Variants in ALK observed in about 807,000 individuals in gnomAD.
ALK encodes the protein ALK receptor tyrosine kinase.
Under a neutral mutation model 163.1 loss-of-function variants are expected in ALK, and 74 were observed. That is an observed-to-expected ratio of 0.45 (90% CI 0.38 to 0.55). The LOEUF is 0.55. Ranked by LOEUF, ALK falls within the 20% of genes least tolerant of loss-of-function variation. The probability of loss-of-function intolerance (pLI) is 0.00; values close to 1 mark genes in which losing one functional copy is unlikely to be tolerated. For missense variants in ALK, 2,063 were observed against 2,105.3 expected, an observed-to-expected ratio of 0.98 and a Z score of 0.39; for synonymous variants, 960 against 843.2, an observed-to-expected ratio of 1.14 and a Z score of -2.40.
chr2:29,312,099 G>T (rs1666713065), intron 8 of ALK, among the ~76,000 whole-genome samples: 1 of 151,946 alleles, frequency 6.6e-6, no homozygotes. Context: ...TTGCCATATT[G>T]CCAGGCTACC....
At chr2:29,359,176 C>G (rs1036662462) in intron 5 of ALK, among the ~76,000 whole-genome samples, 1 of 152,078 alleles carries the variant, frequency 6.6e-6, no homozygotes, top group Non-Finnish European at 1.5e-5. Context: ...TGTAAAGGAG[C>G]CTTTAGAAAA....
chr2:29,330,166 G>A (rs1667397171), intron 5 of ALK, among the ~76,000 whole-genome samples: 2 of 152,108 alleles, frequency 1.3e-5, no homozygotes, highest in African/African-American at 4.8e-5. Context: ...AATCATATCT[G>A]AGCCCTTTCA....
At chr2:29,472,158 A>C (rs1272527759) in intron 4 of ALK, among the ~76,000 whole-genome samples, 2 of 152,168 alleles carry the variant, frequency 1.3e-5, no homozygotes, top group Non-Finnish European at 2.9e-5. Context: ...CTCTATGGAG[A>C]GACTATATGA....
intron 3 of ALK, among the ~76,000 whole-genome samples, chr2:29,668,835 G>C (rs1387985109): frequency 6.6e-6 from 1 of 152,086 alleles, no homozygotes; most frequent in Non-Finnish European, 1.5e-5. Context: ...CACAATCATG[G>C]TGGAAGGCAA....
chr2:29,719,621 T>A (rs1679368640), intron 1 of ALK, among the ~76,000 whole-genome samples: 1 of 152,248 alleles, frequency 6.6e-6, no homozygotes, highest in South Asian at 2.1e-4. Flanking sequence ...TGAATAAGTT[T>A]ATTTGTCCTC....
intron 3 of ALK, among the ~76,000 whole-genome samples, chr2:29,645,129 A>G (rs1414394878): frequency 6.6e-6 from 1 of 152,114 alleles, no homozygotes; most frequent in Non-Finnish European, 1.5e-5. Flanking sequence ...CTCTTTTGTA[A>G]TATTTTTGCT....
intron 11 of ALK, among the ~76,000 whole-genome samples, chr2:29,261,925 C>T (rs1052063944): frequency 6.6e-6 from 1 of 152,038 alleles, no homozygotes; most frequent in Non-Finnish European, 1.5e-5. Flanking sequence ...AGTTTTGGAA[C>T]GTATTTATAT....
At chr2:29,620,897 G>A (rs925788729) in intron 3 of ALK, among the ~76,000 whole-genome samples, 2 of 152,150 alleles carry the variant, frequency 1.3e-5, no homozygotes, top group South Asian at 2.1e-4. Context: ...TTATTAAAGA[G>A]CAAACTGACA....
At chr2:29,642,391 C>G (rs1001674398) in intron 3 of ALK, among the ~76,000 whole-genome samples, 1 of 152,264 alleles carries the variant, frequency 6.6e-6, no homozygotes, top group African/African-American at 2.4e-5. Context: ...GCCTCTCTCA[C>G]AGCCATAAAT....
intron 3 of ALK, among the ~76,000 whole-genome samples, chr2:29,618,848 G>A (rs971566714): frequency 2.6e-5 from 4 of 152,180 alleles, no homozygotes; most frequent in Middle Eastern, 3.4e-3. Context: ...GGGTGGTGGC[G>A]CACGCCTGTA....
intron 1 of ALK, among the ~76,000 whole-genome samples, chr2:29,740,311 A>T (rs1680017308): frequency 6.6e-6 from 1 of 152,134 alleles, no homozygotes; most frequent in African/African-American, 2.4e-5. Flanking sequence ...AAAAAAAGGA[A>T]GAAAAAAGGA....
At chr2:29,873,553 A>C (rs1050524565) in intron 1 of ALK, among the ~76,000 whole-genome samples, 7 of 152,202 alleles carry the variant, frequency 4.6e-5, no homozygotes. Flanking sequence ...AGGGACAACT[A>C]AAATCAGTGG....
chr2:29,858,455 G>A (rs1018386564), intron 1 of ALK, among the ~76,000 whole-genome samples: 17 of 151,906 alleles, frequency 1.1e-4, no homozygotes, highest in African/African-American at 2.9e-4. Context: ...GTCTGAGGCC[G>A]GGTGCGGTGG....
intron 4 of ALK, among the ~76,000 whole-genome samples, chr2:29,406,714 A>G (rs1011466292): frequency 3.9e-5 from 6 of 152,086 alleles, no homozygotes; most frequent in African/African-American, 1.4e-4. Flanking sequence ...ATCCTGGCCA[A>G]CATGGTGAAA....
chr2:29,312,859 G>A (rs6708344), intron 8 of ALK, among the ~76,000 whole-genome samples: 24,152 of 152,138 alleles, frequency 0.16, 2,024 homozygotes, highest in South Asian at 0.19. Flanking sequence ...CCCAATTCAG[G>A]CACATTCTGT....
intron 3 of ALK, among the ~76,000 whole-genome samples, chr2:29,658,051 G>C (rs1470091325): frequency 6.6e-6 from 1 of 152,132 alleles, no homozygotes; most frequent in Non-Finnish European, 1.5e-5. Flanking sequence ...AGAAGGGAGA[G>C]CTAACTACAA....
At chr2:29,690,183 C>A (rs988817662) in intron 3 of ALK, among the ~76,000 whole-genome samples, 1 of 152,162 alleles carries the variant, frequency 6.6e-6, no homozygotes, top group South Asian at 2.1e-4. Flanking sequence ...GCATCCTTAG[C>A]CACTCCAGGG....
chr2:29,699,491 A>G (rs977849624), intron 2 of ALK, among the ~76,000 whole-genome samples: 6 of 152,232 alleles, frequency 3.9e-5, no homozygotes, highest in Non-Finnish European at 8.8e-5. Context: ...GCAGCTTCAG[A>G]ATCTCAATTT....
At chr2:29,658,927 T>C (rs6737999) in intron 3 of ALK, among the ~76,000 whole-genome samples, 15,342 of 152,202 alleles carry the variant, frequency 0.1, 1,642 homozygotes, top group African/African-American at 0.27. Flanking sequence ...TTAAATCACT[T>C]GCATTTAATT....
Sources: gnomAD v4.1 joint callset for allele counts (sites outside exome capture counted in the v4.1 genomes callset) on GRCh38, gnomAD v4.1.1 for gene constraint, MANE v1.5 for transcripts, NCBI Gene and HGNC (gene_info 2026-07-23, HGNC 2026-07-21) for gene names.